The following TUBB3 variants were observed in gnomAD, a reference collection of about 807,000 sequenced individuals.
The protein encoded by TUBB3 is tubulin beta-3 chain.
Under a neutral mutation model 37.8 loss-of-function variants are expected in TUBB3, and 17 were observed. That is an observed-to-expected ratio of 0.45 (90% CI 0.31 to 0.67). The LOEUF (loss-of-function observed/expected upper bound fraction) is 0.67. Ranked by LOEUF, TUBB3 falls within the 30% of genes least tolerant of loss-of-function variation. The pLI, the probability that TUBB3 is intolerant of heterozygous loss-of-function variation, is 0.07. For missense variants in TUBB3, 262 were observed against 657.9 expected, an observed-to-expected ratio of 0.40 and a Z score of 6.58; for synonymous variants, 332 against 278.9, an observed-to-expected ratio of 1.19 and a Z score of -1.90.
In TUBB3 at chr16:89,932,591, T is replaced by C. The variant is rs1442675399; in HGVS notation, c.78T>C (p.Asp26=). 5 of 1,614,136 alleles carry C rather than the reference T, an allele frequency of 3.1e-6. No homozygotes were observed. In the East Asian group the frequency reaches 8.9e-5, roughly 29 times the overall value. ...TGCAGTTCTGGGAAGTCATCAGTGA[T>C]GAGCATGGCATCGACCCCAGCGGCA... is the stretch of plus-strand genomic sequence containing the variant. ...IGAKFWEVIS[D]EHGIDPSGNY... The change falls in exon 2 of 4, where the codon GAT becomes GAC. Residue 26 remains aspartate (D), a synonymous_variant. Coordinates refer to ENST00000315491, the MANE Select transcript of TUBB3 (RefSeq NM_006086.4).
chr16:89,926,567 T>C (rs1407512546), intron 1 of TUBB3, among the ~76,000 whole-genome samples: 1 of 152,258 alleles, frequency 6.6e-6, no homozygotes, highest in Non-Finnish European at 1.5e-5. Flanking sequence ...CTGCTTTGTG[T>C]TTCCAGGTTT....
chr16:89,934,335 C>G, intron 3 of TUBB3: 1 of 484,344 alleles, frequency 2.1e-6, no homozygotes, highest in Non-Finnish European at 4.1e-6. Flanking sequence ...CGCAGCACAT[C>G]CAGCTGGTAG....
chr16:89,928,865 T>A lies in TUBB3; in HGVS notation c.58-3706T>A, dbSNP rs572943977. Among the ~76,000 whole-genome samples the A allele has an allele frequency of 2.0e-5, 3 of 152,110 alleles. No homozygotes were observed. In the East Asian group the frequency reaches 5.8e-4, roughly 29 times the overall value. Reference sequence around the variant, plus strand: ...TTTTAGTAGAGATGGGGTTTCACCATGTTGGTCAGGCTGGTCTCGAACTAC... The same window carrying A: ...TTTTAGTAGAGATGGGGTTTCACCAAGTTGGTCAGGCTGGTCTCGAACTAC... On this transcript the variant is annotated intron_variant, in intron 1 of 3. Coordinates refer to ENST00000315491, the MANE Select transcript of TUBB3 (RefSeq NM_006086.4).
chr16:89,934,874 C>T lies in TUBB3; in HGVS notation c.423C>T (p.Gly141=), dbSNP rs773031868. Residue 141 remains glycine (G), a synonymous_variant, in exon 4 of 4, where the codon GGC becomes GGT. Transcript: ENST00000315491. ...TCCAGCTGACCCACTCGCTGGGGGG[C>T]GGCACGGGCTCCGGCATGGGCACGT... ...QGFQLTHSLG[G]GTGSGMGTLL... 6.8e-6 allele frequency: 11 copies of T among 1,613,942 alleles called. No homozygotes were observed. The highest frequency in any genetic ancestry group is 3.3e-5 in the South Asian group (3 of 91,080).
chr16:89,926,352 G>A (rs1002452716), intron 1 of TUBB3, among the ~76,000 whole-genome samples: 2 of 152,244 alleles, frequency 1.3e-5, no homozygotes, highest in African/African-American at 4.8e-5. Context: ...CTGCGGAGCC[G>A]CGGGCCGGGC....
intron 2 of TUBB3, chr16:89,933,070 C>T: frequency 2.1e-6 from 1 of 474,250 alleles, no homozygotes; most frequent in Admixed American, 2.9e-5. Context: ...ATACACCCAC[C>T]TGCCCACATG....
chr16:89,926,058 C>G (rs986227924), intron 1 of TUBB3, among the ~76,000 whole-genome samples: 1 of 152,132 alleles, frequency 6.6e-6, no homozygotes, highest in Non-Finnish European at 1.5e-5. Context: ...GGGGCAGGGG[C>G]GGGCCGGGCT....
chr16:89,933,644 G>T, intron 3 of TUBB3, 66 bp downstream of exon 3: 2 of 1,244,628 alleles, frequency 1.6e-6, no homozygotes, highest in Non-Finnish European at 2.4e-6. Flanking sequence ...GTCGGTGGAC[G>T]GGGACGGCTG....
chr16:89,934,528 C>A, intron 3 of TUBB3: 1 of 651,894 alleles, frequency 1.5e-6, no homozygotes, highest in Admixed American at 2.3e-5. Flanking sequence ...CTGTCCAGAG[C>A]CCTCGTCCTG....
intron 1 of TUBB3, among the ~76,000 whole-genome samples, chr16:89,927,435 T>C (rs28508073): frequency 0.055 from 8,309 of 152,192 alleles, 607 homozygotes; most frequent in African/African-American, 0.16. Context: ...AATTATAATT[T>C]TATTAATTTT....
chr16:89,934,368 C>T (rs1366601935), intron 3 of TUBB3: 9 of 505,478 alleles, frequency 1.8e-5, no homozygotes, highest in Admixed American at 1.6e-4. Context: ...ATCCAGCCCC[C>T]AGCTGCCAGG....
At chr16:89,923,954 G>A (rs2029976833) in intron 1 of TUBB3, among the ~76,000 whole-genome samples, 2 of 151,956 alleles carry the variant, frequency 1.3e-5, no homozygotes, top group Non-Finnish European at 2.9e-5. Context: ...GATTTCCCCA[G>A]CCTGCTCCGA....
upstream of TUBB3, among the ~76,000 whole-genome samples, chr16:89,922,970 C>A (rs1293059734): frequency 6.6e-6 from 1 of 152,264 alleles, no homozygotes; most frequent in Non-Finnish European, 1.5e-5. Context: ...AAAAAAGACC[C>A]TCCGTACAAA....
rs1379668946 is a variant in TUBB3 at position 89,935,667 on chromosome 16, A to G, written c.1216A>G (p.Met406Val). ...HWYTGEGMDE[M>V]EFTEAESNMN... Reference sequence around the variant, plus strand: ...GTACACGGGCGAGGGCATGGACGAGATGGAGTTCACCGAGGCCGAGAGCAA... The same window carrying G: ...GTACACGGGCGAGGGCATGGACGAGGTGGAGTTCACCGAGGCCGAGAGCAA... Residue 406 changes from methionine (M) to valine (V), a missense_variant, in exon 4 of 4, where the codon ATG becomes GTG. Met to Val is a conservative substitution (Grantham distance 21). This residue lies in a region of TUBB3 where 165 missense variants were observed against 556.8 expected (regional missense o/e 0.30). Transcript: ENST00000315491. 1 of 1,613,658 alleles carries G rather than the reference A, an allele frequency of 6.2e-7. No homozygotes were observed. The highest frequency in any genetic ancestry group is 1.1e-5 in the South Asian group (1 of 91,066).
chr16:89,922,946 A>C (rs2029931968), upstream of TUBB3, among the ~76,000 whole-genome samples: 1 of 152,206 alleles, frequency 6.6e-6, no homozygotes, highest in Non-Finnish European at 1.5e-5. Flanking sequence ...GTTGGTCTCT[A>C]AACCGGCGTG....
intron 1 of TUBB3, chr16:89,931,749 G>C: frequency 3.7e-6 from 1 of 268,312 alleles, no homozygotes; most frequent in South Asian, 3.2e-5. Flanking sequence ...GGTGAGGGAA[G>C]CGTCTGTGAA....
rs908956700 is a variant in TUBB3, at chr16:89,934,671, G to C, written c.278-58G>C. Reference sequence around the variant, plus strand: ...CCTTGGGATGTTCAGGCAGGGGCTGGAGGTCTGGACTGCAGAGTCCCTGGC... The same window carrying C: ...CCTTGGGATGTTCAGGCAGGGGCTGCAGGTCTGGACTGCAGAGTCCCTGGC... On this transcript the variant is annotated intron_variant, in intron 3 of 3. Transcript: ENST00000315491. 4 of 1,549,124 alleles carry C rather than the reference G, an allele frequency of 2.6e-6. No individual in the cohort carries two copies. The African/African-American group carries it at 4.1e-5, about 16-fold the overall frequency.
At chr16:89,926,246 C>A (rs958697151) in intron 1 of TUBB3, among the ~76,000 whole-genome samples, 5 of 152,164 alleles carry the variant, frequency 3.3e-5, no homozygotes, top group Admixed American at 2.6e-4. Flanking sequence ...GCACCGCCTC[C>A]TCGCGGCTGC....
intron 3 of TUBB3, chr16:89,933,853 G>A (rs1354587741): frequency 5.8e-6 from 4 of 690,860 alleles, no homozygotes; most frequent in Non-Finnish European, 5.3e-6. Flanking sequence ...GACAGAACGG[G>A]GCCTCCAGAG....
Sources: gnomAD v4.1 joint callset for allele counts (sites outside exome capture counted in the v4.1 genomes callset) on GRCh38, gnomAD v4.1.1 for gene constraint, gnomAD v4.1.1 regional missense constraint, MANE v1.5 for transcripts, NCBI Gene and HGNC (gene_info 2026-07-23, HGNC 2026-07-21) for gene names.